HELLS: variants seen among roughly 807,000 people sequenced by gnomAD.
HELLS encodes the protein lymphoid-specific helicase.
A neutral mutation model predicts 120.0 loss-of-function variants in HELLS; 32 were observed. The ratio of observed to expected loss-of-function variants is 0.27; its 90% CI spans 0.20 to 0.36. The LOEUF (loss-of-function observed/expected upper bound fraction) is 0.36. Among genes scored for constraint, HELLS ranks in the 10% least tolerant of loss-of-function variants. HELLS has a pLI of 1.00. For synonymous variants in HELLS, 341 were observed against 323.4 expected, an observed-to-expected ratio of 1.05 and a Z score of -0.58; for missense variants, 650 against 993.4, an observed-to-expected ratio of 0.65 and a Z score of 4.65.
intron 10 of HELLS, chr10:94,577,763 T>C (rs1844572744): frequency 6.6e-6 from 1 of 152,272 alleles, no homozygotes; most frequent in African/African-American, 2.4e-5. Context: ...CTGTCTCCAC[T>C]AAAAATACAA....
At chr10:94,553,267 C>T (rs575297212) in intron 2 of HELLS, among the ~76,000 whole-genome samples, 72 of 149,292 alleles carry the variant, frequency 4.8e-4, no homozygotes, top group Non-Finnish European at 8.3e-4. Flanking sequence ...TTTTTTTTTC[C>T]GGACGGAGTC....
At chr10:94,551,516 A>G (rs1051715313) in intron 2 of HELLS, among the ~76,000 whole-genome samples, 1 of 151,870 alleles carries the variant, frequency 6.6e-6, no homozygotes, top group Non-Finnish European at 1.5e-5. Flanking sequence ...GAGGTGAGCC[A>G]GGATTGTGCC....
rs1844502436 is a variant in HELLS at position 94,576,680 on chromosome 10, C to A, written c.907C>A (p.His303Asn). 1 of 1,602,136 alleles carries A rather than the reference C, an allele frequency of 6.2e-7. No individual in the cohort carries two copies. The highest frequency in any genetic ancestry group is 8.5e-7 in the Non-Finnish European group (1 of 1,170,502). ...TTTTCAGATCCCTACAATGTTATATCATGGAACCCAGGAGGAACGTCAAAA... is the reference window on the plus strand; with the variant it reads ...TTTTCAGATCCCTACAATGTTATATAATGGAACCCAGGAGGAACGTCAAAA... ...FTPDIPTMLY[H>N]GTQEERQKLV... The change falls in exon 10 of 22, where the codon CAT becomes AAT. Residue 303 changes from histidine to asparagine, a missense_variant. Physicochemically the swap from His to Asn is moderately conservative, Grantham distance 68. This residue lies in a region of HELLS where 61 missense variants were observed against 86.5 expected (regional missense o/e 0.71). Transcript: ENST00000348459.
chr10:94,575,921 C>G (rs947203708), intron 9 of HELLS, among the ~76,000 whole-genome samples: 11 of 151,916 alleles, frequency 7.2e-5, no homozygotes, highest in Non-Finnish European at 8.8e-5. Context: ...TCTCAGCCTC[C>G]CAGGTAGCTG....
Position 94,594,871 on chromosome 10 carries a change from T to G in HELLS, c.2248+17T>G, listed in dbSNP as rs1358677299. 3 of 1,561,236 alleles carry G rather than the reference T, an allele frequency of 1.9e-6. No individual in the cohort carries two copies. The highest frequency in any genetic ancestry group is 1.1e-5 in the South Asian group (1 of 89,062). The stretch of plus-strand genomic sequence containing the variant: ...TCCATAAAAGTAAATAACACTTATG[T>G]AGTGCTTTATTGTTTAAATTGTGCA... On this transcript the variant is annotated intron_variant, in intron 19 of 21. Transcript: ENST00000348459.
chr10:94,546,086 A>G, intron 1 of HELLS, 134 bp downstream of exon 1: 1 of 1,072,290 alleles, frequency 9.3e-7, no homozygotes, highest in Non-Finnish European at 1.4e-6. Context: ...GGGTTGGGAA[A>G]CTGCAACGGT....
chr10:94,553,642 G>A lies in HELLS; in HGVS notation c.154-484G>A, dbSNP rs543253448. On this transcript the variant is annotated intron_variant, in intron 2 of 21. Transcript: ENST00000348459. ...GCTCACTGCAGCCTCTGCCTCCCCCGGGTTCAAGCGATTCTCCTGCCTCAG... is the reference window on the plus strand; with the variant it reads ...GCTCACTGCAGCCTCTGCCTCCCCCAGGTTCAAGCGATTCTCCTGCCTCAG... 8.1e-5 allele frequency among the ~76,000 whole-genome samples: 12 copies of A among 148,202 alleles called. No individual in the cohort carries two copies. The South Asian group carries it at 1.1e-3, about 13-fold the overall frequency.
chr10:94,545,955 G>C lies in HELLS; in HGVS notation c.31+3G>C. On this transcript the variant is annotated splice_donor_region_variant and intron_variant, in intron 1 of 21. Transcript: ENST00000348459. ...GGAACGGCCCGCGGGCAGCGGCGGT[G>C]AGTGAGGAAAACCTTTTGGGCGCGG... 1 of 1,556,142 alleles carries C rather than the reference G, an allele frequency of 6.4e-7. No individual in the cohort carries two copies. The highest frequency in any genetic ancestry group is 8.7e-7 in the Non-Finnish European group (1 of 1,149,170).
chr10:94,558,315 T>G, intron 4 of HELLS, 120 bp downstream of exon 4: 1 of 1,234,498 alleles, frequency 8.1e-7, no homozygotes, highest in Non-Finnish European at 1.1e-6. Context: ...TAAACCTAAC[T>G]TTGTTACAAG....
exon 10 of HELLS, chr10:94,610,506 A>G (rs2025445): frequency 0.2 from 31,058 of 152,070 alleles, 3,325 homozygotes; most frequent in South Asian, 0.35. Context: ...TGTATGCATT[A>G]TAGAGCAAAT....
At chr10:94,610,781 G>C (rs1458661968) in exon 10 of HELLS, 2 of 152,144 alleles carry the variant, frequency 1.3e-5, no homozygotes, top group African/African-American at 4.8e-5. Flanking sequence ...GTAGAGACGG[G>C]GTTTCGCCAT....
At chr10:94,598,126 A>G (rs1845832522) in intron 21 of HELLS, among the ~76,000 whole-genome samples, 1 of 152,030 alleles carries the variant, frequency 6.6e-6, no homozygotes, top group African/African-American at 2.4e-5. Flanking sequence ...TAATTATTTT[A>G]CAACATATTA....
At chr10:94,567,902 C>T (rs372493476) in intron 6 of HELLS, among the ~76,000 whole-genome samples, 178 of 136,596 alleles carry the variant, frequency 1.3e-3, no homozygotes, top group Middle Eastern at 7.4e-3. Flanking sequence ...GAATGAAACC[C>T]TGGTTTTTTT....
chr10:94,585,362 G>GTTTTTTTTTT (rs11288915), intron 12 of HELLS, among the ~76,000 whole-genome samples: 1 of 121,050 alleles, frequency 8.3e-6, no homozygotes, highest in African/African-American at 3.0e-5. Context: ...TTTTTGTTTT[G>GTTTTTTTTTT]TTTTTTTTTT....
At position 94,588,340 on chromosome 10, in the gene HELLS, T is replaced by C; in HGVS notation, c.1438T>C (p.Tyr480His). ...APLSKKQEIF[Y>H]TAIVNRTIAN... ...ACTTTCAAAGAAGCAGGAGATCTTT[T>C]ATACAGCCATTGTGAACCGTACAAT... The change falls in exon 13 of 22, where the codon TAT becomes CAT. Residue 480 changes from tyrosine to histidine, a missense_variant. Transcript: ENST00000348459. The C allele has an allele frequency of 6.2e-7, 1 of 1,612,902 alleles. No homozygotes were observed. Among genetic ancestry groups the C allele is most frequent in the South Asian group, 1.1e-5 (1 of 90,756 alleles).
chr10:94,604,402 G>A (rs77733562), downstream of HELLS, among the ~76,000 whole-genome samples: 1,803 of 152,148 alleles, frequency 0.012, 52 homozygotes, highest in African/African-American at 0.042. Flanking sequence ...TTACAGGCCT[G>A]AGCCAATGCG....
At chr10:94,605,634 T>G (rs1440033470), downstream of HELLS, among the ~76,000 whole-genome samples, 1 of 151,162 alleles carries the variant, frequency 6.6e-6, no homozygotes, top group South Asian at 2.1e-4. Flanking sequence ...GAGAGAAAAT[T>G]AATGGTTCCT....
At chr10:94,559,431 T>A (rs1843438059) in intron 4 of HELLS, among the ~76,000 whole-genome samples, 1 of 150,994 alleles carries the variant, frequency 6.6e-6, no homozygotes, top group African/African-American at 2.4e-5. Flanking sequence ...GATATTTATT[T>A]ATTTATTTTA....
intron 10 of HELLS, among the ~76,000 whole-genome samples, chr10:94,578,902 G>A (rs957849399): frequency 2.0e-5 from 3 of 151,880 alleles, no homozygotes; most frequent in Admixed American, 6.5e-5. Flanking sequence ...CTGATCTGAC[G>A]GGAGGCAGAG....
Sources: allele counts gnomAD v4.1 joint callset (sites outside exome capture counted in the v4.1 genomes callset), GRCh38; gene constraint gnomAD v4.1.1; regional missense constraint gnomAD v4.1.1; transcripts MANE v1.5; gene names NCBI Gene and HGNC (gene_info 2026-07-23, HGNC 2026-07-21).